L3HYPDH: variants seen among roughly 807,000 people sequenced by gnomAD.
The protein encoded by L3HYPDH is trans-L-3-hydroxyproline dehydratase, also known as trans-3-hydroxy-L-proline dehydratase.
L3HYPDH carries 32 observed loss-of-function variants against 26.5 expected under a neutral mutation model. That is an observed-to-expected ratio of 1.21 (90% CI 0.91 to 1.62). The LOEUF is 1.62. Ranked by LOEUF, L3HYPDH falls within the 40% of genes most tolerant of loss-of-function variation. L3HYPDH has a pLI of 0.00. For synonymous variants in L3HYPDH, 215 were observed against 196.6 expected, an observed-to-expected ratio of 1.09 and a Z score of -0.78; for missense variants, 554 against 476.4, an observed-to-expected ratio of 1.16 and a Z score of -1.52.
rs771916154 is a variant in L3HYPDH, at chr14:59,475,920, T to G, written c.888A>C (p.Arg296Ser). The part of the protein sequence containing the change: ...HKGLLELNQM[R>S]AFKSSATGSV... ...AGCCAGTTGCACTGCTTTTGAAGGC[T>G]CTCATCTGGTTCAGTTCCAGAAGCC... The change falls in exon 4 of 5, where the codon AGA becomes AGC. Residue 296 changes from arginine (R) to serine (S), a missense_variant. Coordinates refer to ENST00000247194, the MANE Select transcript of L3HYPDH (RefSeq NM_144581.2). The G allele has an allele frequency of 6.2e-7, 1 of 1,613,870 alleles. No individual in the cohort carries two copies. The highest frequency in any genetic ancestry group is 1.1e-5 in the South Asian group (1 of 91,070).
chr14:59,467,168 T>C (rs1411324529), intron 1 of L3HYPDH, among the ~76,000 whole-genome samples: 1 of 47,696 alleles, frequency 2.1e-5, no homozygotes, highest in Non-Finnish European at 4.2e-5. Flanking sequence ...AAATTATTTG[T>C]CTTCCTGACA....
intron 4 of L3HYPDH, among the ~76,000 whole-genome samples, chr14:59,475,437 C>CA (rs533580872): frequency 6.6e-6 from 1 of 151,744 alleles, no homozygotes; most frequent in Non-Finnish European, 1.5e-5. Flanking sequence ...TTTGCCAAAA[C>CA]AAAAAAAATT....
At chr14:59,474,486 T>TG (rs1231501867) in intron 4 of L3HYPDH, 1 of 699,932 alleles carries the variant, frequency 1.4e-6, no homozygotes, top group Admixed American at 2.0e-5. Context: ...CCTCTCTATT[T>TG]GGGGGGACAT....
At chr14:59,502,807 AGTG>A in the L3HYPDH span, among the ~76,000 whole-genome samples, 1 of 95,948 alleles carries the variant, frequency 1.0e-5, no homozygotes, top group African/African-American at 4.0e-5. Context: ...GCATGAGTGC[AGTG>A]GTGCAGTCTT....
chr14:59,502,562 A>G, the L3HYPDH span, among the ~76,000 whole-genome samples: 1 of 152,104 alleles, frequency 6.6e-6, no homozygotes, highest in Non-Finnish European at 1.5e-5. Context: ...TAGACAGAAT[A>G]TTTTTATAGT....
the L3HYPDH span, chr14:59,501,153 G>C: frequency 3.1e-6 from 4 of 1,276,380 alleles, no homozygotes; most frequent in Non-Finnish European, 3.3e-6. Context: ...GAGAAAATTT[G>C]TTTCATTTCC....
chr14:59,474,069 T>C (rs1455483914), intron 4 of L3HYPDH, among the ~76,000 whole-genome samples: 1 of 152,216 alleles, frequency 6.6e-6, no homozygotes, highest in East Asian at 1.9e-4. Flanking sequence ...AGGTAAAATG[T>C]CAAATATTGT....
intron 1 of L3HYPDH, among the ~76,000 whole-genome samples, chr14:59,465,976 C>G (rs959839058): frequency 1.3e-5 from 2 of 152,170 alleles, no homozygotes; most frequent in Admixed American, 1.3e-4. Flanking sequence ...ACCACACTTA[C>G]AGAAGCACTG....
chr14:59,479,724 T>A (rs546359502), intron 1 of L3HYPDH, among the ~76,000 whole-genome samples: 1 of 152,334 alleles, frequency 6.6e-6, no homozygotes, highest in East Asian at 1.9e-4. Flanking sequence ...ACTTGTACTA[T>A]GAGAGATGGT....
chr14:59,494,525 A>G, the L3HYPDH span, among the ~76,000 whole-genome samples: 3 of 152,340 alleles, frequency 2.0e-5, no homozygotes, highest in Non-Finnish European at 2.9e-5. Context: ...GCAGAAATAC[A>G]GTTGGGATAA....
the L3HYPDH span, among the ~76,000 whole-genome samples, chr14:59,490,600 T>C: frequency 6.6e-6 from 1 of 152,196 alleles, no homozygotes; most frequent in Non-Finnish European, 1.5e-5. Context: ...GATGGTCAGA[T>C]AGAAATAGAA....
At position 59,476,199 on chromosome 14, in the gene L3HYPDH, G is replaced by C. The variant is rs777747221; in HGVS notation, c.694C>G (p.Pro232Ala). The C allele has an allele frequency of 6.3e-7, 1 of 1,592,184 alleles. No individual in the cohort carries two copies. Among genetic ancestry groups the C allele is most frequent in the African/African-American group, 1.4e-5 (1 of 73,292 alleles). ...AVKAQFKINHPDSEDLAFLYG... is the reference protein window; with the variant it reads ...AVKAQFKINHADSEDLAFLYG... ...AAAAAGGCAAGGTCTTCACTATCAG[G>C]ATGATTAATTTTAAACTGCAAGTAA... is the stretch of plus-strand genomic sequence containing the variant. The change falls in exon 3 of 5, where the codon CCT (proline) becomes GCT (alanine). Residue 232 changes from proline (P) to alanine (A), a missense_variant. Transcript: ENST00000247194.
rs1431219349 is a variant in L3HYPDH at position 59,475,994 on chromosome 14, G to A, written c.814C>T (p.Pro272Ser). The A allele has an allele frequency of 3.7e-6, 6 of 1,613,838 alleles. No individual in the cohort carries two copies. In the African/African-American group the frequency reaches 6.7e-5, roughly 18 times the overall value. The change falls in exon 4 of 5, where the codon CCC (proline) becomes TCC (serine). Residue 272 changes from proline (P) to serine (S), a missense_variant. Physicochemically the swap from Pro to Ser is moderately conservative, Grantham distance 74 (BLOSUM62 -1). Coordinates refer to ENST00000247194, the MANE Select transcript of L3HYPDH (RefSeq NM_144581.2). Reference protein sequence around the residue: ...VFADEQVDRSPTGSGVTARIA... With the variant: ...VFADEQVDRSSTGSGVTARIA... Reference sequence around the variant, plus strand: ...CGGGCTGTCACTCCTGAGCCAGTGGGACTTCTGTCAACCTGTTTCAGAATA... The same window carrying A: ...CGGGCTGTCACTCCTGAGCCAGTGGAACTTCTGTCAACCTGTTTCAGAATA...
chr14:59,468,299 C>CTGCA (rs1566555652), downstream of L3HYPDH, among the ~76,000 whole-genome samples: 1 of 152,228 alleles, frequency 6.6e-6, no homozygotes, highest in Non-Finnish European at 1.5e-5. Context: ...CTACAAGGCA[C>CTGCA]TGCATGATTT....
the L3HYPDH span, among the ~76,000 whole-genome samples, chr14:59,498,019 T>C: frequency 1.3e-5 from 2 of 152,202 alleles, no homozygotes; most frequent in East Asian, 1.9e-4. Context: ...TGGTGACACA[T>C]AGCTCTTTCT....
At chr14:59,504,542 A>G in the L3HYPDH span, 1 of 154,202 alleles carries the variant, frequency 6.5e-6, no homozygotes. Context: ...GAAATGATGT[A>G]TATTGTTTTT....
chr14:59,499,042 T>G, the L3HYPDH span: 2 of 444,794 alleles, frequency 4.5e-6, no homozygotes, highest in South Asian at 3.5e-5. Context: ...TTTTTTTTTT[T>G]GTGATGGAAT....
chr14:59,495,292 T>C, the L3HYPDH span: 2 of 1,280,750 alleles, frequency 1.6e-6, no homozygotes, highest in African/African-American at 1.5e-5. Flanking sequence ...ATAGATTTTA[T>C]GGCGTTTGGA....
Position 59,483,839 on chromosome 14 carries a change from G to A in L3HYPDH, c.478C>T (p.His160Tyr), listed in dbSNP as rs1020642600. ...DGRSHGPVRF[H>Y]SVPAFVLATD... Reference sequence around the variant, plus strand: ...GCCAGCACGAAGGCCGGGACGCTGTGGAAGCGCACCGGTCCGTGGCTGCGG... The same window carrying A: ...GCCAGCACGAAGGCCGGGACGCTGTAGAAGCGCACCGGTCCGTGGCTGCGG... Residue 160 changes from histidine to tyrosine, a missense_variant, in exon 1 of 5, where the codon CAC becomes TAC. His to Tyr is a moderately conservative substitution (Grantham distance 83, BLOSUM62 2). Coordinates refer to ENST00000247194, the MANE Select transcript of L3HYPDH (RefSeq NM_144581.2). 1 of 1,589,570 alleles carries A rather than the reference G, an allele frequency of 6.3e-7. No homozygotes were observed. Among genetic ancestry groups the A allele is most frequent in the Admixed American group, 1.7e-5 (1 of 58,774 alleles).
Sources: gnomAD v4.1 joint callset for allele counts (sites outside exome capture counted in the v4.1 genomes callset) on GRCh38, gnomAD v4.1.1 for gene constraint, MANE v1.5 for transcripts, NCBI Gene and HGNC (gene_info 2026-07-23, HGNC 2026-07-21) for gene names.